DPP6: variants seen among roughly 807,000 people sequenced by gnomAD.
The protein encoded by DPP6 is dipeptidyl peptidase like 6.
A neutral mutation model predicts 122.6 loss-of-function variants in DPP6; 69 were observed. That is an observed-to-expected ratio of 0.56 (90% CI 0.46 to 0.69). The LOEUF (loss-of-function observed/expected upper bound fraction) is 0.69. Among genes scored for constraint, DPP6 ranks in the 30% least tolerant of loss-of-function variants. The probability of loss-of-function intolerance (pLI) is 0.00; values close to 1 mark genes in which losing one functional copy is unlikely to be tolerated. For synonymous variants in DPP6, 418 were observed against 433.1 expected, an observed-to-expected ratio of 0.97 and a Z score of 0.43; for missense variants, 928 against 1,116.9, an observed-to-expected ratio of 0.83 and a Z score of 2.41.
intron 15 of DPP6, 124 bp from the exon 16 acceptor site, chr7:154,806,870 C>CG (rs1198357383): frequency 2.2e-5 from 29 of 1,311,422 alleles, no homozygotes; most frequent in Non-Finnish European, 2.6e-5. Context: ...GGGAGAGGCC[C>CG]GGGGGGTCTG....
At chr7:153,903,331 AAG>A (rs1799717805) in intron 1 of DPP6, among the ~76,000 whole-genome samples, 2 of 152,212 alleles carry the variant, frequency 1.3e-5, no homozygotes. Flanking sequence ...TGCCACTCAG[AAG>A]CCTTTCTTCC....
intron 1 of DPP6, among the ~76,000 whole-genome samples, chr7:153,997,049 C>T (rs1330900237): frequency 6.6e-6 from 1 of 152,148 alleles, no homozygotes; most frequent in Non-Finnish European, 1.5e-5. Flanking sequence ...CTCTCTCTCT[C>T]TCCATCCAAT....
rs1563356579 is a variant in DPP6 at position 154,241,078 on chromosome 7, A to ATTGATTAT, written c.243+188015_243+188016insTTGATTAT. ...TATTGTGAAGTTCCGTTGATAAATA[A>ATTGATTAT]ATTGATGAAAACCTTTTTTCTTACC... On this transcript the variant is annotated intron_variant, in intron 1 of 25. Coordinates refer to ENST00000377770, the MANE Select transcript of DPP6 (RefSeq NM_130797.4). This position sits in a 1 kb window ranked among gnomAD's most constrained non-coding sequence, Gnocchi z 9.0. 3.3e-5 allele frequency among the ~76,000 whole-genome samples: 5 copies of ATTGATTAT among 152,048 alleles called. No homozygotes were observed. The highest frequency in any genetic ancestry group is 1.2e-4 in the African/African-American group (5 of 41,398).
At chr7:154,297,449 C>T (rs1805617284) in intron 1 of DPP6, among the ~76,000 whole-genome samples, 1 of 152,184 alleles carries the variant, frequency 6.6e-6, no homozygotes, top group African/African-American at 2.4e-5. Flanking sequence ...GCACTTGCTA[C>T]ACCTGGAAAT....
intron 1 of DPP6, among the ~76,000 whole-genome samples, chr7:154,131,109 C>T (rs569862001): frequency 6.6e-6 from 1 of 152,128 alleles, no homozygotes; most frequent in Non-Finnish European, 1.5e-5. Flanking sequence ...GGTTAGATCT[C>T]TGCTTTCCAC....
intron 3 of DPP6, among the ~76,000 whole-genome samples, chr7:154,491,584 T>C (rs1824283433): frequency 6.6e-6 from 1 of 152,186 alleles, no homozygotes; most frequent in Non-Finnish European, 1.5e-5. Flanking sequence ...CCTCCCTCTT[T>C]TGAATCAGTC....
intron 1 of DPP6, among the ~76,000 whole-genome samples, chr7:153,936,673 G>T (rs1315762159): frequency 6.6e-6 from 1 of 151,972 alleles, no homozygotes. Flanking sequence ...TAGCTGGGCG[G>T]GGTGGTGGGC....
At chr7:153,777,493 C>T in the DPP6 span, among the ~76,000 whole-genome samples, 1 of 126,706 alleles carries the variant, frequency 7.9e-6, no homozygotes, top group South Asian at 2.9e-4. Context: ...ACTTAGGTAA[C>T]TTTCAACTGG....
At chr7:153,769,669 G>C in the DPP6 span, among the ~76,000 whole-genome samples, 1 of 151,718 alleles carries the variant, frequency 6.6e-6, no homozygotes, top group African/African-American at 2.4e-5. Context: ...TTCTGCTCAG[G>C]AAGAGCTGGA....
intron 1 of DPP6, among the ~76,000 whole-genome samples, chr7:154,074,245 A>G (rs894281671): frequency 1.3e-5 from 2 of 151,878 alleles, no homozygotes; most frequent in African/African-American, 4.8e-5. Flanking sequence ...ATAGGGTGGG[A>G]AGGATGAAGA....
At chr7:153,795,647 G>C in the DPP6 span, among the ~76,000 whole-genome samples, 50 of 152,100 alleles carry the variant, frequency 3.3e-4, no homozygotes, top group African/African-American at 1.2e-3. Context: ...TTCCTTTGAT[G>C]TTAATTTGCT....
the DPP6 span, among the ~76,000 whole-genome samples, chr7:153,805,097 T>C: frequency 2.2e-3 from 337 of 152,300 alleles, no homozygotes; most frequent in African/African-American, 7.8e-3. Context: ...AAAATTGATA[T>C]GTGGCAAAAA....
intron 5 of DPP6, among the ~76,000 whole-genome samples, chr7:154,589,096 G>A (rs1832651021): frequency 6.6e-6 from 1 of 152,152 alleles, no homozygotes; most frequent in Admixed American, 6.5e-5. Context: ...TTGGAAACCT[G>A]ATCACACCCT....
At chr7:154,779,033 A>G (rs1796809321) in intron 10 of DPP6, among the ~76,000 whole-genome samples, 1 of 146,620 alleles carries the variant, frequency 6.8e-6, no homozygotes, top group Non-Finnish European at 1.5e-5. Context: ...CACCTCCACC[A>G]CCACCACCAC....
At chr7:153,977,291 G>A (rs1190328953) in intron 1 of DPP6, among the ~76,000 whole-genome samples, 8 of 151,990 alleles carry the variant, frequency 5.3e-5, no homozygotes, top group Non-Finnish European at 8.8e-5. Flanking sequence ...AAGAGATGCC[G>A]CTGGAAGTAT....
intron 1 of DPP6, among the ~76,000 whole-genome samples, chr7:154,207,847 C>G (rs576573597): frequency 6.6e-6 from 1 of 151,700 alleles, no homozygotes; most frequent in South Asian, 2.1e-4. Flanking sequence ...CCCAGCTACT[C>G]GAGAGGCTGA....
At chr7:154,512,994 A>G (rs974017365) in intron 3 of DPP6, among the ~76,000 whole-genome samples, 1 of 152,176 alleles carries the variant, frequency 6.6e-6, no homozygotes, top group African/African-American at 2.4e-5. Flanking sequence ...TGCCTAAGCA[A>G]TGAGAATAAA....
chr7:154,589,225 A>G (rs1832660269), intron 5 of DPP6, among the ~76,000 whole-genome samples: 1 of 152,184 alleles, frequency 6.6e-6, no homozygotes, highest in African/African-American at 2.4e-5. Context: ...TGATTTTAAC[A>G]TAATCTTTGG....
the DPP6 span, among the ~76,000 whole-genome samples, chr7:153,790,128 G>T: frequency 2.0e-5 from 3 of 151,966 alleles, no homozygotes; most frequent in Admixed American, 2.0e-4. Flanking sequence ...AATAAATGAG[G>T]TAATAAAAAC....
Sources: allele counts gnomAD v4.1 joint callset (sites outside exome capture counted in the v4.1 genomes callset), GRCh38; gene constraint gnomAD v4.1.1; non-coding constraint Gnocchi (gnomAD v3.1); transcripts MANE v1.5; gene names NCBI Gene and HGNC (gene_info 2026-07-23, HGNC 2026-07-21).